Variants in CSMD1 observed in about 807,000 individuals in gnomAD.
CSMD1 encodes CUB and sushi domain-containing protein 1.
Under a neutral mutation model 417.5 loss-of-function variants are expected in CSMD1, and 213 were observed. The observed-to-expected ratio is 0.51, with a 90% CI of 0.46 to 0.57. The LOEUF (loss-of-function observed/expected upper bound fraction) is 0.57. CSMD1 is among the 20% of genes least tolerant of loss of function. CSMD1 has a pLI of 0.00. For synonymous variants in CSMD1, 2,862 were observed against 1,736.8 expected (o/e 1.65, Z -16.11); for missense variants, 6,923 against 4,529.7 (o/e 1.53, Z -15.17).
At chr8:4,655,902 C>T (rs1804199464) in intron 1 of CSMD1, among the ~76,000 whole-genome samples, 1 of 152,116 alleles carries the variant, frequency 6.6e-6, no homozygotes, top group African/African-American at 2.4e-5. Context: ...GATTGACTGT[C>T]AACTGTGTGG....
At chr8:4,070,858 G>C (rs1436065303) in intron 3 of CSMD1, among the ~76,000 whole-genome samples, 4 of 152,158 alleles carry the variant, frequency 2.6e-5, no homozygotes, top group Non-Finnish European at 5.9e-5. Flanking sequence ...TAAATGTCTA[G>C]GTTGACAGTT....
At chr8:4,874,593 G>T (rs574991534) in intron 1 of CSMD1, among the ~76,000 whole-genome samples, 1 of 151,812 alleles carries the variant, frequency 6.6e-6, no homozygotes, top group Non-Finnish European at 1.5e-5. Context: ...GTTTCACTAT[G>T]TTGGCCAGGC....
rs577773419 is a variant in CSMD1 at position 4,858,350 on chromosome 8, G to C, written c.85+135982C>G. Among the ~76,000 whole-genome samples, 9 of 151,734 alleles carry C rather than the reference G, an allele frequency of 5.9e-5. 1 individual carries two copies. Among genetic ancestry groups the C allele is most frequent in the African/African-American group, 1.7e-4 (7 of 41,182 alleles). On this transcript the variant is annotated intron_variant, in intron 1 of 69. Coordinates refer to ENST00000635120, the MANE Select transcript of CSMD1 (RefSeq NM_033225.6). ...ACTGGAAGCATTCCCTTTGAAAACG[G>C]GCACAAGACAGGGATGCCCTCTCTC...
At chr8:3,370,038 G>A (rs1809849608) in intron 18 of CSMD1, among the ~76,000 whole-genome samples, 1 of 152,200 alleles carries the variant, frequency 6.6e-6, no homozygotes, top group South Asian at 2.1e-4. Flanking sequence ...TTTACAGTGT[G>A]TAGTAGCTAC....
chr8:3,638,146 T>C (rs1030877369), intron 7 of CSMD1, among the ~76,000 whole-genome samples: 1 of 152,208 alleles, frequency 6.6e-6, no homozygotes, highest in African/African-American at 2.4e-5. Flanking sequence ...TAAGATCTCC[T>C]GCCCCTCACT....
intron 5 of CSMD1, among the ~76,000 whole-genome samples, chr8:3,778,857 G>A (rs545793246): frequency 6.6e-6 from 1 of 152,148 alleles, no homozygotes; most frequent in Non-Finnish European, 1.5e-5. Flanking sequence ...ACTCAGTTGA[G>A]AAAACATGCT....
intron 3 of CSMD1, among the ~76,000 whole-genome samples, chr8:4,378,388 G>C (rs776272410): frequency 6.6e-6 from 1 of 152,204 alleles, no homozygotes; most frequent in Non-Finnish European, 1.5e-5. Flanking sequence ...TCACTCGTTT[G>C]CACGCAAGTT....
At chr8:4,212,909 G>A (rs910517095) in intron 3 of CSMD1, among the ~76,000 whole-genome samples, 4 of 152,010 alleles carry the variant, frequency 2.6e-5, no homozygotes, top group Non-Finnish European at 5.9e-5. Flanking sequence ...CTGGAAAGAA[G>A]ACACTTCTTC....
intron 18 of CSMD1, among the ~76,000 whole-genome samples, chr8:3,385,406 T>C (rs1810945686): frequency 1.3e-5 from 2 of 151,602 alleles, no homozygotes; most frequent in Admixed American, 1.3e-4. Context: ...TATGCGGAAA[T>C]CTATTGACCT....
chr8:3,983,978 G>A (rs1448163882), intron 5 of CSMD1, among the ~76,000 whole-genome samples: 1 of 152,186 alleles, frequency 6.6e-6, no homozygotes, highest in African/African-American at 2.4e-5. Context: ...GCTGTCAATT[G>A]CAGCTCTAGA....
intron 6 of CSMD1, among the ~76,000 whole-genome samples, chr8:3,727,387 C>A (rs1326757335): frequency 1.3e-5 from 2 of 152,170 alleles, no homozygotes; most frequent in South Asian, 4.1e-4. Flanking sequence ...CAGCCCCGCC[C>A]AGGTACCAAG....
At chr8:3,440,193 T>G (rs961018703) in intron 12 of CSMD1, among the ~76,000 whole-genome samples, 1 of 152,118 alleles carries the variant, frequency 6.6e-6, no homozygotes, top group Non-Finnish European at 1.5e-5. Context: ...ACAAAACATA[T>G]TTGCTGAGAT....
At chr8:4,319,999 A>T (rs768855074) in intron 3 of CSMD1, among the ~76,000 whole-genome samples, 1 of 152,194 alleles carries the variant, frequency 6.6e-6, no homozygotes, top group African/African-American at 2.4e-5. Flanking sequence ...AAATAGGAGT[A>T]TTGGGTTAAG....
intron 3 of CSMD1, among the ~76,000 whole-genome samples, chr8:4,290,712 G>C (rs1420387732): frequency 6.6e-6 from 1 of 152,136 alleles, no homozygotes; most frequent in African/African-American, 2.4e-5. Flanking sequence ...ATATGACATT[G>C]ATAATGTTCA....
At chr8:3,953,233 T>G (rs1037932274) in intron 5 of CSMD1, among the ~76,000 whole-genome samples, 1 of 152,130 alleles carries the variant, frequency 6.6e-6, no homozygotes, top group African/African-American at 2.4e-5. Context: ...AGAAAATATA[T>G]AACTGATATA....
intron 2 of CSMD1, among the ~76,000 whole-genome samples, chr8:4,562,592 A>G (rs780559164): frequency 2.0e-5 from 3 of 152,090 alleles, no homozygotes; most frequent in Non-Finnish European, 4.4e-5. Context: ...TACTGAAATA[A>G]TATCTTTAAA....
intron 49 of CSMD1, among the ~76,000 whole-genome samples, chr8:3,059,100 G>C (rs911503554): frequency 6.6e-6 from 1 of 151,794 alleles, no homozygotes. Flanking sequence ...TATTGGATGA[G>C]ACCATAGGAG....
intron 7 of CSMD1, among the ~76,000 whole-genome samples, chr8:3,645,116 G>T (rs960893514): frequency 6.6e-6 from 1 of 151,900 alleles, no homozygotes; most frequent in African/African-American, 2.4e-5. Flanking sequence ...GCCTGCTAAG[G>T]CCATGTTCAA....
chr8:4,746,976 G>T (rs962934268), intron 1 of CSMD1, among the ~76,000 whole-genome samples: 2 of 152,146 alleles, frequency 1.3e-5, no homozygotes, highest in African/African-American at 4.8e-5. Flanking sequence ...GGAAGAACAG[G>T]AATAATTTCT....
Sources: gnomAD v4.1 joint callset for allele counts (sites outside exome capture counted in the v4.1 genomes callset) on GRCh38, gnomAD v4.1.1 for gene constraint, MANE v1.5 for transcripts, NCBI Gene and HGNC (gene_info 2026-07-23, HGNC 2026-07-21) for gene names.